NEMP2: variants seen among roughly 807,000 people sequenced by gnomAD.
NEMP2 encodes UPF0571 transmembrane protein.
Under a neutral mutation model 54.2 loss-of-function variants are expected in NEMP2, and 53 were observed. That is an observed-to-expected ratio of 0.98 (90% CI 0.78 to 1.23). The LOEUF is 1.23. NEMP2 is among the 50% of genes most tolerant of loss of function. The pLI, the probability that NEMP2 is intolerant of heterozygous loss-of-function variation, is 0.00. For synonymous variants in NEMP2, 197 were observed against 190.3 expected, an observed-to-expected ratio of 1.04 and a Z score of -0.29; for missense variants, 455 against 511.3, an observed-to-expected ratio of 0.89 and a Z score of 1.06.
In NEMP2 at chr2:190,534,208, G is replaced by A. The variant is rs961062330; in HGVS notation, c.97+351C>T. The A allele has an allele frequency of 5.1e-5, 54 of 1,068,658 alleles. No homozygotes were observed. In the East Asian group the frequency reaches 3.4e-3, roughly 68 times the overall value. 66.2% of individuals were successfully genotyped at this position (1,068,658 alleles called of 1,614,324 possible). A position where few individuals can be genotyped will look rare whatever the true frequency, so the allele number is the denominator to read the frequency against. On this transcript the variant is annotated intron_variant, in intron 1 of 8. Transcript: ENST00000409150. ...ACAAAAGGCCGTGTGCTGAAAGTCT[G>A]GAGACTAGGGTCAGCTGTGCCAGTG...
At chr2:190,441,193 C>T in the NEMP2 span, among the ~76,000 whole-genome samples, 1 of 152,032 alleles carries the variant, frequency 6.6e-6, no homozygotes, top group East Asian at 1.9e-4. Context: ...TCTCCTTGCC[C>T]CGTATGAAAG....
chr2:190,473,814 A>G, the NEMP2 span, among the ~76,000 whole-genome samples: 4 of 152,206 alleles, frequency 2.6e-5, no homozygotes, highest in African/African-American at 9.7e-5. Context: ...CATAGTTGGA[A>G]GTAAAGCACT....
the NEMP2 span, among the ~76,000 whole-genome samples, chr2:190,578,510 T>A: frequency 3.3e-5 from 5 of 152,094 alleles, no homozygotes; most frequent in East Asian, 9.6e-4. The surrounding 1 kb of genome is among the most constrained non-coding windows in gnomAD (Gnocchi z 4.4). Flanking sequence ...TGAAGGAATA[T>A]TAAAATAAAA....
chr2:190,576,269 C>T, the NEMP2 span, among the ~76,000 whole-genome samples: 4 of 152,168 alleles, frequency 2.6e-5, no homozygotes, highest in Admixed American at 2.0e-4. Flanking sequence ...GCATGCCCTG[C>T]CTGCATTACT....
the NEMP2 span, among the ~76,000 whole-genome samples, chr2:190,492,500 ATAAT>A: frequency 6.6e-6 from 1 of 152,208 alleles, no homozygotes; most frequent in Non-Finnish European, 1.5e-5. This position sits in a 1 kb window ranked among gnomAD's most constrained non-coding sequence, Gnocchi z 5.2. Flanking sequence ...GTTCAGCCTC[ATAAT>A]TAATTTCCAT....
the NEMP2 span, among the ~76,000 whole-genome samples, chr2:190,474,890 T>C: frequency 1.3e-5 from 2 of 152,322 alleles, no homozygotes; most frequent in Non-Finnish European, 2.9e-5. Context: ...GCTTCATCCC[T>C]GGGATGCAAG....
At chr2:190,604,964 C>T in the NEMP2 span, among the ~76,000 whole-genome samples, 8 of 152,182 alleles carry the variant, frequency 5.3e-5, no homozygotes, top group South Asian at 1.7e-3. This position sits in a 1 kb window ranked among gnomAD's most constrained non-coding sequence, Gnocchi z 4.5. Context: ...GCCTGGGACC[C>T]TTGACTTTTC....
At chr2:190,434,158 G>A in the NEMP2 span, among the ~76,000 whole-genome samples, 1 of 146,534 alleles carries the variant, frequency 6.8e-6, no homozygotes, top group East Asian at 2.0e-4. This position sits in a 1 kb window ranked among gnomAD's most constrained non-coding sequence, Gnocchi z 4.3. Flanking sequence ...TCCAGCCTGG[G>A]TGACAGAGTA....
the NEMP2 span, among the ~76,000 whole-genome samples, chr2:190,591,594 A>G: frequency 5.9e-5 from 9 of 152,308 alleles, no homozygotes; most frequent in South Asian, 1.9e-3. The surrounding 1 kb of genome is among the most constrained non-coding windows in gnomAD (Gnocchi z 5.4). Context: ...ACTATAAAGC[A>G]TGACTTCCAA....
At chr2:190,449,981 T>A in the NEMP2 span, among the ~76,000 whole-genome samples, 3 of 152,010 alleles carry the variant, frequency 2.0e-5, no homozygotes, top group African/African-American at 7.3e-5. Context: ...AACCTGCACA[T>A]TGTGCACGTG....
At chr2:190,620,474 G>A in the NEMP2 span, 39 of 152,136 alleles carry the variant, frequency 2.6e-4, 1 homozygote, top group African/African-American at 8.2e-4. This position sits in a 1 kb window ranked among gnomAD's most constrained non-coding sequence, Gnocchi z 4.9. Context: ...CAGAGAATCC[G>A]TCTCTAGTGG....
intron 6 of NEMP2, among the ~76,000 whole-genome samples, chr2:190,515,772 A>G (rs949741279): frequency 6.6e-6 from 1 of 152,236 alleles, no homozygotes; most frequent in Admixed American, 6.5e-5. Flanking sequence ...GTTAAAATAA[A>G]CAATAAAAAC....
the NEMP2 span, among the ~76,000 whole-genome samples, chr2:190,425,187 A>G: frequency 1.3e-5 from 2 of 152,168 alleles, no homozygotes; most frequent in Non-Finnish European, 2.9e-5. The surrounding 1 kb of genome is among the most constrained non-coding windows in gnomAD (Gnocchi z 4.3). Context: ...TTGTATGCTT[A>G]TCTTGTATCC....
At chr2:190,466,355 A>G in the NEMP2 span, among the ~76,000 whole-genome samples, 1 of 152,194 alleles carries the variant, frequency 6.6e-6, no homozygotes, top group East Asian at 1.9e-4. Flanking sequence ...TTCAGTGACT[A>G]TTCAGTAAAT....
the NEMP2 span, chr2:190,489,914 G>A: frequency 4.2e-5 from 62 of 1,478,088 alleles, no homozygotes; most frequent in Non-Finnish European, 5.4e-5. This position sits in a 1 kb window ranked among gnomAD's most constrained non-coding sequence, Gnocchi z 6.6. Flanking sequence ...TCAGGCCATG[G>A]GAAGTCAACA....
the NEMP2 span, among the ~76,000 whole-genome samples, chr2:190,460,601 C>G: frequency 2.0e-5 from 3 of 152,200 alleles, no homozygotes; most frequent in Admixed American, 2.0e-4. Flanking sequence ...TATGAAAGTC[C>G]TCACCCTGCA....
upstream of NEMP2, among the ~76,000 whole-genome samples, chr2:190,536,347 GC>G (rs1260542214): frequency 6.6e-6 from 1 of 152,158 alleles, no homozygotes; most frequent in African/African-American, 2.4e-5. Context: ...AGAGATAGAA[GC>G]ACAAACCTTC....
downstream of NEMP2, among the ~76,000 whole-genome samples, chr2:190,503,285 C>G (rs1326196283): frequency 2.0e-5 from 3 of 152,228 alleles, no homozygotes; most frequent in East Asian, 5.8e-4. The surrounding 1 kb of genome is among the most constrained non-coding windows in gnomAD (Gnocchi z 6.3). Flanking sequence ...GAAGGGAAAG[C>G]AGACACACCC....
At chr2:190,516,155 G>A (rs371368134) in intron 6 of NEMP2, 115 bp downstream of exon 6, 47 of 659,300 alleles carry the variant, frequency 7.1e-5, no homozygotes, top group African/African-American at 1.1e-4. Context: ...AGCACCTTTC[G>A]TTAGTTCAAA....
Sources: gnomAD v4.1 joint callset for allele counts (sites outside exome capture counted in the v4.1 genomes callset) on GRCh38, gnomAD v4.1.1 for gene constraint, Gnocchi (gnomAD v3.1) non-coding constraint, MANE v1.5 for transcripts, NCBI Gene and HGNC (gene_info 2026-07-23, HGNC 2026-07-21) for gene names.